Variants in RCAN2 observed in about 807,000 individuals in gnomAD.
The protein encoded by RCAN2 is calcipressin-2.
In RCAN2, 9 loss-of-function variants were observed where a neutral mutation model predicts 23.6. The observed-to-expected ratio is 0.38, with a 90% CI of 0.23 to 0.67. The LOEUF (loss-of-function observed/expected upper bound fraction) is 0.67. Among genes scored for constraint, RCAN2 ranks in the 30% least tolerant of loss-of-function variants. RCAN2 has a pLI of 0.51. For missense variants in RCAN2, 273 were observed against 302.3 expected (o/e 0.90, Z 0.72); for synonymous variants, 109 against 115.7 (o/e 0.94, Z 0.37).
At chr6:46,247,794 A>G (rs751984889) in intron 3 of RCAN2, among the ~76,000 whole-genome samples, 1 of 152,192 alleles carries the variant, frequency 6.6e-6, no homozygotes, top group Non-Finnish European at 1.5e-5. Context: ...TCTATTGTGA[A>G]TAGTGCTGTT....
At chr6:46,465,611 C>T (rs184793848) in intron 1 of RCAN2, among the ~76,000 whole-genome samples, 2 of 152,288 alleles carry the variant, frequency 1.3e-5, no homozygotes, top group East Asian at 3.9e-4. Context: ...AGTCAATCTA[C>T]AGTAGTGCTA....
chr6:46,366,477 T>C (rs562460710), intron 2 of RCAN2, among the ~76,000 whole-genome samples: 6 of 152,300 alleles, frequency 3.9e-5, no homozygotes, highest in African/African-American at 9.6e-5. Flanking sequence ...GATTCTCTCC[T>C]TGTCCAAACT....
rs967523552 is a variant in RCAN2 at position 46,348,471 on chromosome 6, G to C, written c.226-99575C>G. Among the ~76,000 whole-genome samples, 13 of 152,222 alleles carry C rather than the reference G, an allele frequency of 8.5e-5. 1 individual carries two copies. In the East Asian group the frequency reaches 2.5e-3, roughly 30 times the overall value. On this transcript the variant is annotated intron_variant, in intron 2 of 4. Transcript: ENST00000371374. Reference sequence around the variant, plus strand: ...TGAGGAGCTTCTGTACCTCACTGCTGACTCTAGGGCCCCACTCCCTGCCCA... The same window carrying C: ...TGAGGAGCTTCTGTACCTCACTGCTCACTCTAGGGCCCCACTCCCTGCCCA...
intron 4 of RCAN2, among the ~76,000 whole-genome samples, chr6:46,224,920 A>G (rs1195577484): frequency 6.6e-6 from 1 of 151,236 alleles, no homozygotes; most frequent in Non-Finnish European, 1.5e-5. Context: ...TCCTAATGCT[A>G]TCCCTCCCCC....
intron 2 of RCAN2, among the ~76,000 whole-genome samples, chr6:46,452,508 C>T (rs1767909637): frequency 6.6e-6 from 1 of 152,194 alleles, no homozygotes; most frequent in South Asian, 2.1e-4. Context: ...ATGCCAGTTT[C>T]CCTAACAGAA....
At chr6:46,360,201 G>A (rs1013794290) in intron 2 of RCAN2, among the ~76,000 whole-genome samples, 2 of 152,094 alleles carry the variant, frequency 1.3e-5, no homozygotes, top group African/African-American at 2.4e-5. Context: ...CATGAACCAC[G>A]TTCTATACCA....
intron 1 of RCAN2, among the ~76,000 whole-genome samples, chr6:46,459,054 C>T (rs1451874021): frequency 3.9e-5 from 6 of 152,138 alleles, no homozygotes; most frequent in South Asian, 2.1e-4. Context: ...CGTGCTACCA[C>T]GCCCGGTTAG....
chr6:46,382,144 C>T (rs2150393908), intron 2 of RCAN2, among the ~76,000 whole-genome samples: 1 of 152,312 alleles, frequency 6.6e-6, no homozygotes, highest in Admixed American at 6.5e-5. Context: ...AGGATTCCCT[C>T]TTGTCTTCCA....
intron 2 of RCAN2, among the ~76,000 whole-genome samples, chr6:46,404,103 T>A (rs6458502): frequency 2.8e-3 from 423 of 152,230 alleles, no homozygotes; most frequent in African/African-American, 9.5e-3. Flanking sequence ...GTGCCTGTAG[T>A]CCCAGCTACT....
chr6:46,388,998 T>C (rs1171061584), intron 2 of RCAN2, among the ~76,000 whole-genome samples: 1 of 152,148 alleles, frequency 6.6e-6, no homozygotes, highest in Non-Finnish European at 1.5e-5. Context: ...GTAAAACCTA[T>C]GAAAACATGT....
intron 2 of RCAN2, among the ~76,000 whole-genome samples, chr6:46,282,637 GTTT>G (rs961331434): frequency 6.6e-6 from 1 of 152,180 alleles, no homozygotes; most frequent in South Asian, 2.1e-4. Flanking sequence ...ACCAAAGCCT[GTTT>G]TTGGACCACT....
rs367679374 is a variant in RCAN2, at chr6:46,273,855, C to A, written c.226-24959G>T. The stretch of plus-strand genomic sequence containing the variant: ...TTTTTAGAGAGCTGTAAGAGTGTGG[C>A]AGATTCTTTTTTTTTTAAATCATGA... On this transcript the variant is annotated intron_variant, in intron 2 of 4. Transcript: ENST00000371374. Among the ~76,000 whole-genome samples the A allele has an allele frequency of 1.1e-4, 17 of 151,750 alleles. No homozygotes were observed. In the South Asian group the frequency reaches 2.3e-3, roughly 20 times the overall value.
Position 46,413,987 on chromosome 6 carries a change from T to C in RCAN2, c.225+42765A>G, listed in dbSNP as rs368359748. On this transcript the variant is annotated intron_variant, in intron 2 of 4. Transcript: ENST00000371374. ...CCAGCCACCCGGCTCTCAGAATAGG[T>C]AACTAAATGCTTGTGTAGATTTAGC... 8.0e-4 allele frequency among the ~76,000 whole-genome samples: 121 copies of C among 152,142 alleles called. 1 individual carries two copies. The highest frequency in any genetic ancestry group is 2.8e-3 in the African/African-American group (116 of 41,494).
At chr6:46,277,508 C>T (rs1027535320) in intron 2 of RCAN2, among the ~76,000 whole-genome samples, 3 of 152,006 alleles carry the variant, frequency 2.0e-5, no homozygotes, top group Non-Finnish European at 2.9e-5. Flanking sequence ...TCATGAAGAA[C>T]AATGTAAAAA....
At chr6:46,405,846 A>C (rs1766384685) in intron 2 of RCAN2, among the ~76,000 whole-genome samples, 1 of 152,176 alleles carries the variant, frequency 6.6e-6, no homozygotes, top group Non-Finnish European at 1.5e-5. Context: ...CTCGGGCCGC[A>C]CAGGAGCCCA....
intron 2 of RCAN2, among the ~76,000 whole-genome samples, chr6:46,357,475 G>A (rs1764873950): frequency 6.6e-6 from 1 of 152,188 alleles, no homozygotes. Flanking sequence ...TTAATGAAGA[G>A]TCTACTGGTC....
At chr6:46,464,542 C>A (rs547364427) in intron 1 of RCAN2, among the ~76,000 whole-genome samples, 3 of 152,180 alleles carry the variant, frequency 2.0e-5, no homozygotes, top group Non-Finnish European at 2.9e-5. Context: ...ATATTAGTAA[C>A]AACAAACCAA....
intron 1 of RCAN2, among the ~76,000 whole-genome samples, chr6:46,487,540 C>A (rs1397838433): frequency 6.6e-6 from 1 of 152,180 alleles, no homozygotes; most frequent in Non-Finnish European, 1.5e-5. Flanking sequence ...GTATGTGGTG[C>A]CTGGTTTATA....
intron 2 of RCAN2, among the ~76,000 whole-genome samples, chr6:46,324,963 G>A (rs1292304650): frequency 1.3e-5 from 2 of 152,254 alleles, no homozygotes; most frequent in Non-Finnish European, 2.9e-5. Flanking sequence ...GGATATTTAA[G>A]TGACATGCCA....
Sources: gnomAD v4.1 joint callset for allele counts (sites outside exome capture counted in the v4.1 genomes callset) on GRCh38, gnomAD v4.1.1 for gene constraint, MANE v1.5 for transcripts, NCBI Gene and HGNC (gene_info 2026-07-23, HGNC 2026-07-21) for gene names.